Variants in P2RX5 observed in about 807,000 individuals in gnomAD.
The protein encoded by P2RX5 is P2X purinoceptor 5.
In P2RX5, 46 loss-of-function variants were observed where a neutral mutation model predicts 54.1. The ratio of observed to expected loss-of-function variants is 0.85; its 90% confidence interval spans 0.67 to 1.09. The LOEUF (loss-of-function observed/expected upper bound fraction) is 1.09, where lower values mean the gene tolerates loss of function less well. Ranked by LOEUF, P2RX5 falls within the 50% of genes least tolerant of loss-of-function variation. The pLI is 0.00. For missense variants in P2RX5, 566 were observed against 549.8 expected (o/e 1.03, Z -0.29); for synonymous variants, 226 against 226.4 (o/e 1.00, Z 0.02).
intron 1 of P2RX5, among the ~76,000 whole-genome samples, chr17:3,694,822 C>A (rs529660479): frequency 6.6e-6 from 1 of 152,338 alleles, no homozygotes; most frequent in Admixed American, 6.5e-5. Flanking sequence ...CAAATGATCC[C>A]CCAAATAAGC....
At position 3,692,649 on chromosome 17, in the gene P2RX5, C is replaced by T. The variant is rs375486682; in HGVS notation, c.138-855G>A. On this transcript the variant is annotated intron_variant, in intron 1 of 11. Transcript: ENST00000225328. ...TTGAGCCCAGGAGTTTGAGACCAGC[C>T]GGGGCAACACAGTGAGACCCCATCT... is the stretch of plus-strand genomic sequence containing the variant. 9.9e-5 allele frequency among the ~76,000 whole-genome samples: 15 copies of T among 152,148 alleles called. No individual in the cohort carries two copies. In the East Asian group the frequency reaches 1.7e-3, roughly 18 times the overall value.
intron 8 of P2RX5, 55 bp from the exon 9 acceptor site, chr17:3,688,160 G>A: frequency 1.1e-6 from 1 of 947,226 alleles, no homozygotes; most frequent in East Asian, 2.6e-5. Flanking sequence ...TCCCTCTTTA[G>A]GCAGCACTGA....
At chr17:3,676,130 C>G (rs1314013675) in intron 11 of P2RX5, 1 of 985,512 alleles carries the variant, frequency 1.0e-6, no homozygotes, top group Non-Finnish European at 1.2e-6. Flanking sequence ...GAGCACTTTT[C>G]TGCCAGGTGG....
the P2RX5 span, among the ~76,000 whole-genome samples, chr17:3,703,199 A>G: frequency 2.6e-5 from 4 of 152,152 alleles, no homozygotes; most frequent in Non-Finnish European, 5.9e-5. Context: ...TACTCCTCAA[A>G]TAGAAAAACT....
the P2RX5 span, among the ~76,000 whole-genome samples, chr17:3,713,604 G>T: frequency 0.53 from 79,703 of 151,044 alleles, 21,866 homozygotes; most frequent in African/African-American, 0.64. Context: ...TACAAAATTA[G>T]CTGGGCGTGG....
chr17:3,676,714 G>C, intron 11 of P2RX5: 1 of 207,462 alleles, frequency 4.8e-6, no homozygotes, highest in South Asian at 1.7e-4. Flanking sequence ...GTGGGGGGCG[G>C]GGGAGCTGGG....
rs1414236874 is a variant in P2RX5 at position 3,680,735 on chromosome 17, GCGTCCTC to G, written c.1065-958_1065-952del. Among the ~76,000 whole-genome samples, 905 of 98,748 alleles carry G rather than the reference GCGTCCTC, an allele frequency of 9.2e-3. 4 individuals carry two copies. Among genetic ancestry groups the G allele is most frequent in the Non-Finnish European group, 0.013 (605 of 47,488 alleles). The allele number at this position is 98,748 out of a possible 152,430, so 64.8% of individuals were successfully genotyped here. On this transcript the variant is annotated intron_variant, in intron 10 of 11. Transcript: ENST00000225328. ...TCCTCCACCCTGCATCCTCCACCCTGCGTCCTCCACCCAGCGTCCTCCACCCTGCATC... is the reference window on the plus strand; with the variant it reads ...TCCTCCACCCTGCATCCTCCACCCTGCACCCAGCGTCCTCCACCCTGCATC...
intron 11 of P2RX5, chr17:3,677,807 C>T: frequency 2.0e-6 from 2 of 985,418 alleles, no homozygotes; most frequent in Non-Finnish European, 2.4e-6. Flanking sequence ...AATCCAAACA[C>T]TCCACTTCCG....
At chr17:3,695,819 C>G in intron 1 of P2RX5, 50 bp downstream of exon 1, 2 of 1,597,476 alleles carry the variant, frequency 1.3e-6, no homozygotes, top group Non-Finnish European at 8.6e-7. Flanking sequence ...CGGCGGCTGG[C>G]ACCCGCCCTG....
chr17:3,701,480 G>T, the P2RX5 span, among the ~76,000 whole-genome samples: 1 of 152,036 alleles, frequency 6.6e-6, no homozygotes, highest in Non-Finnish European at 1.5e-5. Flanking sequence ...ATCACCTGAG[G>T]TCAGGAGTTC....
At chr17:3,721,315 G>A in the P2RX5 span, among the ~76,000 whole-genome samples, 13 of 130,848 alleles carry the variant, frequency 9.9e-5, no homozygotes, top group Non-Finnish European at 1.9e-4. Context: ...TCTGTTACTC[G>A]GGCCGGAATG....
chr17:3,703,143 C>T, the P2RX5 span, among the ~76,000 whole-genome samples: 1 of 152,056 alleles, frequency 6.6e-6, no homozygotes, highest in South Asian at 2.1e-4. Context: ...AGATGAAAAG[C>T]GAGAATGTAT....
In P2RX5 at chr17:3,690,657, C is replaced by T. The variant is rs554910055; in HGVS notation, c.384G>A (p.Ala128=). Residue 128 remains alanine (A), a synonymous_variant, in exon 4 of 12, where the codon GCG becomes GCA. Transcript: ENST00000225328. The stretch of plus-strand genomic sequence containing the variant: ...CGTGGCAGTCGCTGTCCTTGGAGCA[C>T]GCGCCATCAGGAATGCCTTCATTCT... ...CAENEGIPDG[A]CSKDSDCHAG... is the part of the protein sequence containing the mutation. The T allele has an allele frequency of 3.3e-5, 53 of 1,613,324 alleles. No homozygotes were observed. The highest frequency in any genetic ancestry group is 3.1e-4 in the East Asian group (14 of 44,892).
chr17:3,704,965 C>A, the P2RX5 span, among the ~76,000 whole-genome samples: 1 of 152,290 alleles, frequency 6.6e-6, no homozygotes, highest in East Asian at 1.9e-4. Flanking sequence ...GAGATCATGC[C>A]ATTGTACTAC....
chr17:3,680,140 ACCC>A (rs2050210097), intron 10 of P2RX5, among the ~76,000 whole-genome samples: 1 of 122,160 alleles, frequency 8.2e-6, no homozygotes, highest in Non-Finnish European at 1.7e-5. Context: ...TGCATCCTCC[ACCC>A]TGAGTCCTCC....
At chr17:3,704,407 GCAA>G in the P2RX5 span, among the ~76,000 whole-genome samples, 1 of 152,198 alleles carries the variant, frequency 6.6e-6, no homozygotes, top group African/African-American at 2.4e-5. Context: ...GCCTCCCAAG[GCAA>G]CTCGCCCTTT....
At chr17:3,694,508 C>T (rs1478155693) in intron 1 of P2RX5, among the ~76,000 whole-genome samples, 2 of 152,126 alleles carry the variant, frequency 1.3e-5, no homozygotes. Context: ...GCCCGGCCGC[C>T]AATTTCCTAA....
the P2RX5 span, among the ~76,000 whole-genome samples, chr17:3,711,089 A>C: frequency 6.6e-6 from 1 of 152,166 alleles, no homozygotes; most frequent in Non-Finnish European, 1.5e-5. Flanking sequence ...TCCCAGGCAG[A>C]GGGTGAAAAG....
upstream of P2RX5, among the ~76,000 whole-genome samples, chr17:3,699,890 G>A (rs945225631): frequency 0.018 from 467 of 25,686 alleles, 2 homozygotes; most frequent in Non-Finnish European, 0.027. Flanking sequence ...AGGAAGGAAG[G>A]AAGGAAGGAA....
Sources: gnomAD v4.1 joint callset for allele counts (sites outside exome capture counted in the v4.1 genomes callset) on GRCh38, gnomAD v4.1.1 for gene constraint, MANE v1.5 for transcripts, NCBI Gene and HGNC (gene_info 2026-07-23, HGNC 2026-07-21) for gene names.